Variants in PTPRU observed in about 807,000 individuals in gnomAD.
PTPRU encodes the protein receptor-type tyrosine-protein phosphatase U.
Under a neutral mutation model 166.3 loss-of-function variants are expected in PTPRU, and 69 were observed. The observed-to-expected ratio is 0.41, with a 90% CI of 0.34 to 0.51. The LOEUF (loss-of-function observed/expected upper bound fraction) is 0.51, where lower values mean the gene tolerates loss of function less well. PTPRU is among the 20% of genes least tolerant of loss of function. PTPRU has a pLI of 0.09. For synonymous variants in PTPRU, 793 were observed against 814.0 expected, an observed-to-expected ratio of 0.97 and a Z score of 0.44; for missense variants, 1,657 against 2,013.7, an observed-to-expected ratio of 0.82 and a Z score of 3.39.
intron 18 of PTPRU, among the ~76,000 whole-genome samples, chr1:29,308,803 T>G (rs1179682726): frequency 6.6e-6 from 1 of 152,026 alleles, no homozygotes; most frequent in Non-Finnish European, 1.5e-5. Context: ...GCGGGAGGAT[T>G]GCTTGAGCCC....
In PTPRU at chr1:29,311,667, G is replaced by A. The variant is rs764636241; in HGVS notation, c.2980G>A (p.Glu994Lys). The A allele has an allele frequency of 3.0e-5, 49 of 1,614,224 alleles. No individual in the cohort carries two copies. The highest frequency in any genetic ancestry group is 4.2e-5 in the Non-Finnish European group (49 of 1,180,024). The change falls in exon 21 of 30, where the codon GAG (glutamate) becomes AAG (lysine). Residue 994 changes from glutamate (E) to lysine (K), a missense_variant. Glu to Lys is a moderately conservative substitution (Grantham distance 56). This residue lies in a region of PTPRU where 1,190 missense variants were observed against 1,477.4 expected (regional missense o/e 0.81). Coordinates refer to ENST00000373779, the MANE Select transcript of PTPRU (RefSeq NM_133178.4). The surrounding 1 kb of genome is among the most constrained non-coding windows in gnomAD (Gnocchi z 4.1). Reference sequence around the variant, plus strand: ...GGTGAAATGCTCACGGTACTGGCCGGAGGACTCAGACACCTACGGGGACAT... The same window carrying A: ...GGTGAAATGCTCACGGTACTGGCCGAAGGACTCAGACACCTACGGGGACAT... Reference protein sequence around the residue: ...GRVKCSRYWPEDSDTYGDIKI... With the variant: ...GRVKCSRYWPKDSDTYGDIKI...
chr1:29,255,257 C>G lies in PTPRU; in HGVS notation c.74-18C>G. On this transcript the variant is annotated intron_variant, in intron 1 of 29. Transcript: ENST00000373779. ...CAGCCCTGCCTTAGCCTGGGCTAAC[C>G]AGGCCCTGCTCTCACAGCTGGCTGC... 6.2e-7 allele frequency: 1 copy of G among 1,611,160 alleles called. No individual in the cohort carries two copies.
rs12760526 is a variant in PTPRU, at chr1:29,317,603, C to T, written c.3514-145C>T. ...GGCCTAGAGACAGGGAGTCTGGCTC[C>T]GTGCCCTGTACCCTTCTCTCTGGAC... On this transcript the variant is annotated intron_variant, in intron 24 of 29. Transcript: ENST00000373779. This position sits in a 1 kb window ranked among gnomAD's most constrained non-coding sequence, Gnocchi z 5.6. 87,644 of 937,782 alleles carry T rather than the reference C, an allele frequency of 0.093. 4,647 individuals carry two copies. Among genetic ancestry groups the T allele is most frequent in the Middle Eastern group, 0.18 (528 of 2,910 alleles). 58.1% of individuals were successfully genotyped at this position (937,782 alleles called of 1,614,324 possible).
intron 2 of PTPRU, among the ~76,000 whole-genome samples, 191 bp from the exon 3 acceptor site, chr1:29,258,314 G>A (rs981771870): frequency 6.6e-6 from 1 of 152,168 alleles, no homozygotes; most frequent in African/African-American, 2.4e-5. Context: ...ACTGCTCCAG[G>A]TCTCCTGTGG....
chr1:29,238,516 C>T lies in PTPRU; in HGVS notation c.73+1799C>T, dbSNP rs1005000574. ...GACCTCCCCGGCATCGCGTTCGCGG[C>T]CCTGCTGCTGGCTCCGGTGTCTCGG... is the stretch of plus-strand genomic sequence containing the variant. On this transcript the variant is annotated intron_variant, in intron 1 of 29. Transcript: ENST00000373779. This position sits in a 1 kb window ranked among gnomAD's most constrained non-coding sequence, Gnocchi z 6.1. 6.6e-6 allele frequency among the ~76,000 whole-genome samples: 1 copy of T among 152,228 alleles called. No homozygotes were observed. Among genetic ancestry groups the T allele is most frequent in the Non-Finnish European group, 1.5e-5 (1 of 68,050 alleles).
intron 15 of PTPRU, among the ~76,000 whole-genome samples, chr1:29,300,138 G>A (rs1687072973): frequency 1.3e-5 from 2 of 152,188 alleles, no homozygotes; most frequent in South Asian, 4.1e-4. Flanking sequence ...CACTTGACAT[G>A]TGAGAATGGA....
At position 29,282,785 on chromosome 1, in the gene PTPRU, GGCCTGGT is replaced by G. The variant is rs1424353093; in HGVS notation, c.1981_1987del (p.Leu661ThrfsTer50). ...GACCTTCGAGGCGGCGCTGGCCCGA[GGCCTGGT>G]GCACTACTTCGGGGCCGAACTGGCG... On this transcript the variant is annotated frameshift_variant, in exon 12 of 30. Transcript: ENST00000373779. LOFTEE classifies it high-confidence loss of function. 2 of 1,614,136 alleles carry G rather than the reference GGCCTGGT, an allele frequency of 1.2e-6. No homozygotes were observed. Among genetic ancestry groups the G allele is most frequent in the Non-Finnish European group, 8.5e-7 (1 of 1,180,020 alleles).
rs1302166572 is a variant in PTPRU, at chr1:29,266,037, T to TG, written c.1144+5135dup. Among the ~76,000 whole-genome samples, 22 of 139,828 alleles carry TG rather than the reference T, an allele frequency of 1.6e-4. 1 individual carries two copies. The allele number at this position is 139,828 out of a possible 152,430, so 91.7% of individuals were successfully genotyped here. ...TTTTTTTTTTTTTTTTTTTTTTTTT[T>TG]GATACGGAGTTTCACTCTTGTTGCC... On this transcript the variant is annotated intron_variant, in intron 7 of 29. Coordinates refer to ENST00000373779, the MANE Select transcript of PTPRU (RefSeq NM_133178.4).
At position 29,320,057 on chromosome 1, in the gene PTPRU, C is replaced by A. The variant is rs1313618764; in HGVS notation, c.3688-628C>A. Among the ~76,000 whole-genome samples the A allele has an allele frequency of 6.6e-6, 1 of 152,194 alleles. No homozygotes were observed. Among genetic ancestry groups the A allele is most frequent in the African/African-American group, 2.4e-5 (1 of 41,444 alleles). The stretch of plus-strand genomic sequence containing the variant: ...AGATTTATTCAAAATATTTATTGAG[C>A]CCCTACAGGGTTCTGGGTGGAGACC... On this transcript the variant is annotated intron_variant, in intron 25 of 29. Coordinates refer to ENST00000373779, the MANE Select transcript of PTPRU (RefSeq NM_133178.4). The surrounding 1 kb of genome is among the most constrained non-coding windows in gnomAD (Gnocchi z 5.2).
chr1:29,303,323 C>T (rs938807292), intron 15 of PTPRU, among the ~76,000 whole-genome samples: 14 of 152,208 alleles, frequency 9.2e-5, no homozygotes, highest in South Asian at 2.1e-4. Flanking sequence ...CCACTGGCTG[C>T]GGCCCCGCAC....
chr1:29,260,141 GT>G lies in PTPRU; in HGVS notation c.850+98del. 3.3e-6 allele frequency: 4 copies of G among 1,196,740 alleles called. No homozygotes were observed. Among genetic ancestry groups the G allele is most frequent in the Non-Finnish European group, 4.3e-6 (4 of 928,216 alleles). 74.1% of individuals were successfully genotyped at this position (1,196,740 alleles called of 1,614,324 possible). On this transcript the variant is annotated intron_variant, in intron 6 of 29. Transcript: ENST00000373779. This position sits in a 1 kb window ranked among gnomAD's most constrained non-coding sequence, Gnocchi z 8.3. Reference sequence around the variant, plus strand: ...CTGCCCGGGGGCGTGGCCGTGGGGGGTGGGGCCGGCAGGGTGTCGCTGGGGC... The same window carrying G: ...CTGCCCGGGGGCGTGGCCGTGGGGGGGGGGCCGGCAGGGTGTCGCTGGGGC...
intron 18 of PTPRU, among the ~76,000 whole-genome samples, chr1:29,307,456 C>A (rs890816244): frequency 1.1e-4 from 17 of 152,272 alleles, no homozygotes; most frequent in African/African-American, 3.4e-4. Flanking sequence ...CACCTTCCTT[C>A]CCTGGCTCCG....
chr1:29,254,593 G>GTC (rs1684692087), intron 1 of PTPRU, among the ~76,000 whole-genome samples: 1 of 152,222 alleles, frequency 6.6e-6, no homozygotes, highest in Non-Finnish European at 1.5e-5. Flanking sequence ...AGGAAAAATA[G>GTC]TGGTGCCTGA....
intron 14 of PTPRU, chr1:29,289,785 G>T: frequency 8.3e-6 from 13 of 1,560,344 alleles, no homozygotes; most frequent in Non-Finnish European, 1.1e-5. Flanking sequence ...GCCTTCTCTG[G>T]TTGGGCTTAG....
At chr1:29,290,660 C>T (rs1248214262) in intron 14 of PTPRU, among the ~76,000 whole-genome samples, 2 of 152,260 alleles carry the variant, frequency 1.3e-5, no homozygotes, top group Non-Finnish European at 2.9e-5. Flanking sequence ...CAACTCAACA[C>T]CCAGCGACTC....
intron 18 of PTPRU, among the ~76,000 whole-genome samples, chr1:29,308,339 C>G (rs1351753704): frequency 2.0e-5 from 3 of 147,592 alleles, no homozygotes. Context: ...GAGGCCAAGG[C>G]AGGCAGATTG....
chr1:29,297,266 G>C (rs1686932472), intron 15 of PTPRU, among the ~76,000 whole-genome samples: 1 of 151,810 alleles, frequency 6.6e-6, no homozygotes, highest in African/African-American at 2.4e-5. Context: ...TGTTGGCCAG[G>C]CTGGTCTCGA....
chr1:29,267,601 C>T (rs566066421), intron 7 of PTPRU, among the ~76,000 whole-genome samples: 3 of 152,210 alleles, frequency 2.0e-5, no homozygotes, highest in East Asian at 1.9e-4. Flanking sequence ...ATGCTTGGCA[C>T]GTGCAAGGGG....
chr1:29,325,508 G>A, intron 29 of PTPRU, 91 bp from the exon 30 acceptor site: 3 of 1,518,170 alleles, frequency 2.0e-6, no homozygotes, highest in Non-Finnish European at 2.7e-6. Context: ...GCTCGGGCTC[G>A]TGCTTGCCCT....
Sources: allele counts gnomAD v4.1 joint callset (sites outside exome capture counted in the v4.1 genomes callset), GRCh38; gene constraint gnomAD v4.1.1; regional missense constraint gnomAD v4.1.1; non-coding constraint Gnocchi (gnomAD v3.1); transcripts MANE v1.5; gene names NCBI Gene and HGNC (gene_info 2026-07-23, HGNC 2026-07-21).